The following HEMK2 variants were observed in gnomAD, a reference collection of about 807,000 sequenced individuals.
HEMK2 encodes the protein methyltransferase HEMK2.
chr21:28,808,683 A>G, the HEMK2 span, among the ~76,000 whole-genome samples: 1 of 152,090 alleles, frequency 6.6e-6, no homozygotes. Flanking sequence ...TACTGCTAGT[A>G]TATGAAATAA....
At chr21:28,651,447 A>G in the HEMK2 span, among the ~76,000 whole-genome samples, 1 of 152,242 alleles carries the variant, frequency 6.6e-6, no homozygotes, top group Admixed American at 6.5e-5. Flanking sequence ...AAAAGAGGGT[A>G]CTTGAAACAG....
chr21:28,779,979 G>C, the HEMK2 span, among the ~76,000 whole-genome samples: 1 of 151,956 alleles, frequency 6.6e-6, no homozygotes, highest in South Asian at 2.1e-4. Flanking sequence ...AACTCCCTCT[G>C]CCAACCCATC....
At chr21:28,591,256 G>C in the HEMK2 span, among the ~76,000 whole-genome samples, 1 of 152,212 alleles carries the variant, frequency 6.6e-6, no homozygotes, top group East Asian at 1.9e-4. Context: ...GCTAACAGCA[G>C]TGAACAGACA....
At chr21:28,584,210 T>G in the HEMK2 span, among the ~76,000 whole-genome samples, 1 of 152,238 alleles carries the variant, frequency 6.6e-6, no homozygotes, top group African/African-American at 2.4e-5. Context: ...AAACTCAACT[T>G]TGACTTATCA....
At chr21:28,727,454 G>C in the HEMK2 span, among the ~76,000 whole-genome samples, 1 of 152,200 alleles carries the variant, frequency 6.6e-6, no homozygotes, top group African/African-American at 2.4e-5. Flanking sequence ...TGCCTGGAAA[G>C]GAGGGAAGGA....
At chr21:28,867,421 T>C in the HEMK2 span, among the ~76,000 whole-genome samples, 1 of 152,168 alleles carries the variant, frequency 6.6e-6, no homozygotes, top group Admixed American at 6.5e-5. Flanking sequence ...CAAGGGCAAG[T>C]GAAAAATTGT....
chr21:28,724,890 C>G, the HEMK2 span, among the ~76,000 whole-genome samples: 2 of 152,024 alleles, frequency 1.3e-5, no homozygotes, highest in African/African-American at 4.8e-5. Context: ...CAAGTGATTC[C>G]CCTGCCTCAG....
chr21:28,801,975 T>C, the HEMK2 span, among the ~76,000 whole-genome samples: 1 of 152,164 alleles, frequency 6.6e-6, no homozygotes, highest in African/African-American at 2.4e-5. Flanking sequence ...GGCATATCTA[T>C]TGAAATTACA....
At chr21:28,582,363 A>T in the HEMK2 span, among the ~76,000 whole-genome samples, 1 of 152,200 alleles carries the variant, frequency 6.6e-6, no homozygotes, top group Non-Finnish European at 1.5e-5. Flanking sequence ...AAGCTTTCCA[A>T]GGCCAGTTCT....
the HEMK2 span, among the ~76,000 whole-genome samples, chr21:28,721,360 C>CTAAAA: frequency 1.3e-5 from 2 of 152,140 alleles, no homozygotes; most frequent in South Asian, 4.1e-4. Flanking sequence ...AGGTATCCTC[C>CTAAAA]CACATCAGCC....
At chr21:28,789,578 G>A in the HEMK2 span, among the ~76,000 whole-genome samples, 1 of 152,240 alleles carries the variant, frequency 6.6e-6, no homozygotes, top group Non-Finnish European at 1.5e-5. Flanking sequence ...CCTTGGGGTA[G>A]AAGTAGGTAA....
the HEMK2 span, among the ~76,000 whole-genome samples, chr21:28,602,321 A>C: frequency 6.6e-6 from 1 of 152,168 alleles, no homozygotes; most frequent in South Asian, 2.1e-4. Context: ...GATATGTGCC[A>C]AGGGATGTGC....
the HEMK2 span, among the ~76,000 whole-genome samples, chr21:28,638,746 G>A: frequency 4.6e-5 from 7 of 152,108 alleles, no homozygotes; most frequent in South Asian, 2.1e-4. Flanking sequence ...CTGGCCTCAC[G>A]TACATGGTGA....
chr21:28,818,391 T>C, the HEMK2 span, among the ~76,000 whole-genome samples: 1 of 152,180 alleles, frequency 6.6e-6, no homozygotes, highest in African/African-American at 2.4e-5. Context: ...AGATGGCCTA[T>C]TGTGGGACCT....
At chr21:28,734,864 G>A in the HEMK2 span, among the ~76,000 whole-genome samples, 1 of 152,144 alleles carries the variant, frequency 6.6e-6, no homozygotes, top group Non-Finnish European at 1.5e-5. Context: ...AAAGCTTAAT[G>A]GCCCAAACAA....
the HEMK2 span, among the ~76,000 whole-genome samples, chr21:28,727,876 G>T: frequency 1.3e-5 from 2 of 152,126 alleles, no homozygotes; most frequent in African/African-American, 4.8e-5. Context: ...AAAAAATAGG[G>T]CCAATATCCC....
At chr21:28,759,607 C>A in the HEMK2 span, among the ~76,000 whole-genome samples, 1 of 152,108 alleles carries the variant, frequency 6.6e-6, no homozygotes, top group South Asian at 2.1e-4. Flanking sequence ...GGTGGAATCT[C>A]ATCTTGAATT....
the HEMK2 span, among the ~76,000 whole-genome samples, chr21:28,864,812 C>T: frequency 0.21 from 23,940 of 113,450 alleles, 2,128 homozygotes; most frequent in Middle Eastern, 0.25. Context: ...CTCTGAAAGA[C>T]AGACAGACAG....
the HEMK2 span, among the ~76,000 whole-genome samples, chr21:28,716,583 T>A: frequency 1.3e-5 from 2 of 152,110 alleles, no homozygotes; most frequent in African/African-American, 4.8e-5. Flanking sequence ...GAGCAAACAA[T>A]GATAAAAGCA....
Sources: gnomAD v4.1 joint callset for allele counts (sites outside exome capture counted in the v4.1 genomes callset) on GRCh38, gnomAD v4.1.1 for gene constraint, MANE v1.5 for transcripts, NCBI Gene and HGNC (gene_info 2026-07-23, HGNC 2026-07-21) for gene names.